COL24A1: variants seen among roughly 807,000 people sequenced by gnomAD.
COL24A1 encodes the protein collagen alpha-1(XXIV) chain.
COL24A1 carries 224 observed loss-of-function variants against 253.9 expected under a neutral mutation model. That is an observed-to-expected ratio of 0.88 (90% CI 0.79 to 0.99). The LOEUF is 0.99. COL24A1 is among the 50% of genes least tolerant of loss of function. The pLI is 0.00. For synonymous variants in COL24A1, 685 were observed against 673.7 expected, an observed-to-expected ratio of 1.02 and a Z score of -0.26; for missense variants, 2,131 against 2,068.5, an observed-to-expected ratio of 1.03 and a Z score of -0.59.
intron 24 of COL24A1, among the ~76,000 whole-genome samples, chr1:85,926,917 T>C (rs993707817): frequency 6.6e-6 from 1 of 152,120 alleles, no homozygotes; most frequent in African/African-American, 2.4e-5. Flanking sequence ...GAGAGAAATC[T>C]GTGTGATGTG....
At chr1:85,823,964 T>G (rs1473200116) in intron 43 of COL24A1, among the ~76,000 whole-genome samples, 1 of 152,090 alleles carries the variant, frequency 6.6e-6, no homozygotes, top group African/African-American at 2.4e-5. Context: ...TTTTTTTTAA[T>G]GTGAATTAAT....
intron 7 of COL24A1, among the ~76,000 whole-genome samples, chr1:86,077,790 A>G (rs1702358321): frequency 6.6e-6 from 1 of 151,988 alleles, no homozygotes; most frequent in South Asian, 2.1e-4. Context: ...CTGAACAATG[A>G]GAACACATGG....
chr1:85,995,868 T>C (rs1694743257), intron 19 of COL24A1, among the ~76,000 whole-genome samples: 1 of 152,202 alleles, frequency 6.6e-6, no homozygotes, highest in Non-Finnish European at 1.5e-5. Context: ...AAGATGTTTC[T>C]GCTTACCCTT....
intron 42 of COL24A1, 44 bp from the exon 43 acceptor site, chr1:85,838,682 A>G: frequency 6.4e-7 from 1 of 1,569,702 alleles, no homozygotes; most frequent in South Asian, 1.1e-5. Context: ...CAGCTGGATC[A>G]AAGTATATGC....
intron 24 of COL24A1, among the ~76,000 whole-genome samples, chr1:85,959,547 G>A (rs891719912): frequency 6.6e-6 from 1 of 152,132 alleles, no homozygotes; most frequent in African/African-American, 2.4e-5. Context: ...ATGTGCTCCA[G>A]ATTCCTAATT....
intron 55 of COL24A1, among the ~76,000 whole-genome samples, chr1:85,755,136 T>G (rs1666098934): frequency 6.6e-6 from 1 of 152,140 alleles, no homozygotes; most frequent in South Asian, 2.1e-4. Context: ...GAGCAGGCAG[T>G]AGGATAATAT....
At chr1:86,131,824 G>A (rs1251998788) in intron 2 of COL24A1, among the ~76,000 whole-genome samples, 2 of 152,034 alleles carry the variant, frequency 1.3e-5, no homozygotes, top group African/African-American at 2.4e-5. Context: ...ATAAACATAT[G>A]TGTGCATGTG....
intron 47 of COL24A1, among the ~76,000 whole-genome samples, chr1:85,801,576 G>A (rs562258773): frequency 3.1e-4 from 47 of 152,240 alleles, no homozygotes; most frequent in African/African-American, 9.9e-4. Flanking sequence ...CAGGTCTAAG[G>A]ACAGTAATGG....
intron 10 of COL24A1, among the ~76,000 whole-genome samples, chr1:86,052,096 T>C (rs942371748): frequency 6.6e-6 from 1 of 152,042 alleles, no homozygotes; most frequent in African/African-American, 2.4e-5. Flanking sequence ...AGAAGAGTAG[T>C]TTTATGGATG....
chr1:86,016,334 C>T (rs1696988345), intron 19 of COL24A1, among the ~76,000 whole-genome samples: 1 of 152,206 alleles, frequency 6.6e-6, no homozygotes, highest in Non-Finnish European at 1.5e-5. Context: ...CAGCAGTAGT[C>T]TTAGAAACTC....
At chr1:85,989,403 T>TA (rs1232634022) in intron 19 of COL24A1, among the ~76,000 whole-genome samples, 1 of 152,118 alleles carries the variant, frequency 6.6e-6, no homozygotes, top group Non-Finnish European at 1.5e-5. Context: ...AATCATTTAC[T>TA]AAGCCCCATC....
At chr1:85,975,262 T>C (rs1278192187) in intron 20 of COL24A1, among the ~76,000 whole-genome samples, 1 of 152,118 alleles carries the variant, frequency 6.6e-6, no homozygotes, top group African/African-American at 2.4e-5. Context: ...CACTACTGAG[T>C]ATATATACCA....
At chr1:86,142,185 G>C (rs1651198823) in intron 2 of COL24A1, among the ~76,000 whole-genome samples, 2 of 149,082 alleles carry the variant, frequency 1.3e-5, no homozygotes, top group South Asian at 4.2e-4. Flanking sequence ...ACGAGAACAG[G>C]ATGAAAAAAA....
chr1:86,113,736 G>A (rs1251714965), intron 4 of COL24A1, among the ~76,000 whole-genome samples: 1 of 146,302 alleles, frequency 6.8e-6, no homozygotes, highest in East Asian at 2.1e-4. Flanking sequence ...TCAGAAAGCT[G>A]AGGTGAGAAG....
At chr1:86,107,695 C>T (rs1329856813) in intron 5 of COL24A1, among the ~76,000 whole-genome samples, 1 of 151,964 alleles carries the variant, frequency 6.6e-6, no homozygotes, top group East Asian at 1.9e-4. Context: ...CCACCACGCC[C>T]GGCTAATTTT....
At chr1:85,757,644 A>G (rs577501615) in intron 55 of COL24A1, among the ~76,000 whole-genome samples, 90 of 152,282 alleles carry the variant, frequency 5.9e-4, no homozygotes, top group Non-Finnish European at 8.8e-4. Flanking sequence ...TTTCTTGACA[A>G]TCTCCATATT....
At chr1:85,736,087 G>A (rs1664018747) in intron 58 of COL24A1, 2 of 282,104 alleles carry the variant, frequency 7.1e-6, no homozygotes, top group South Asian at 7.5e-5. Context: ...AGTAAATTCG[G>A]GTATAACACT....
At chr1:85,918,339 C>T (rs1686109846) in intron 24 of COL24A1, among the ~76,000 whole-genome samples, 1 of 152,050 alleles carries the variant, frequency 6.6e-6, no homozygotes, top group South Asian at 2.1e-4. Flanking sequence ...ACCCAGTTTT[C>T]CAAATGCTAT....
intron 43 of COL24A1, among the ~76,000 whole-genome samples, chr1:85,833,019 A>G (rs956837401): frequency 3.3e-5 from 5 of 151,966 alleles, no homozygotes; most frequent in African/African-American, 1.2e-4. Context: ...TTCAAAGGGA[A>G]TGCTTCCAGT....
Sources: allele counts gnomAD v4.1 joint callset (sites outside exome capture counted in the v4.1 genomes callset), GRCh38; gene constraint gnomAD v4.1.1; transcripts MANE v1.5; gene names NCBI Gene and HGNC (gene_info 2026-07-23, HGNC 2026-07-21).